Variants in GALNT13 observed in about 807,000 individuals in gnomAD.
GALNT13 encodes the protein polypeptide N-acetylgalactosaminyltransferase 13.
GALNT13 carries 28 observed loss-of-function variants against 64.2 expected under a neutral mutation model. That is an observed-to-expected ratio of 0.44 (90% CI 0.32 to 0.60). The LOEUF (loss-of-function observed/expected upper bound fraction) is 0.60. Ranked by LOEUF, GALNT13 falls within the 20% of genes least tolerant of loss-of-function variation. The pLI is 0.05. For missense variants in GALNT13, 577 were observed against 669.8 expected (o/e 0.86, Z 1.53); for synonymous variants, 214 against 224.6 (o/e 0.95, Z 0.42).
intron 9 of GALNT13, among the ~76,000 whole-genome samples, chr2:154,365,178 T>C (rs1436889452): frequency 6.6e-6 from 1 of 152,204 alleles, no homozygotes; most frequent in Non-Finnish European, 1.5e-5. Context: ...AGGCTTTATT[T>C]ATCCATTTAT....
chr2:154,427,552 A>G (rs72873809), intron 11 of GALNT13, among the ~76,000 whole-genome samples: 366 of 152,312 alleles, frequency 2.4e-3, no homozygotes, highest in Middle Eastern at 6.8e-3. Flanking sequence ...ACATTGTTAT[A>G]TATTGTTATA....
At chr2:154,445,986 C>G in intron 12 of GALNT13, 2 of 413,074 alleles carry the variant, frequency 4.8e-6, no homozygotes, top group Admixed American at 5.6e-5. Flanking sequence ...TCTTTTTCCT[C>G]CCTTCATTAT....
the GALNT13 span, among the ~76,000 whole-genome samples, chr2:153,282,248 A>G: frequency 1.3e-5 from 2 of 152,128 alleles, no homozygotes; most frequent in East Asian, 3.9e-4. Context: ...TTTCTTTTTA[A>G]GATATTTATC....
chr2:154,352,864 A>C (rs766351052), intron 9 of GALNT13, among the ~76,000 whole-genome samples: 2 of 152,168 alleles, frequency 1.3e-5, no homozygotes, highest in Non-Finnish European at 2.9e-5. Context: ...AGTCCAGTGC[A>C]GTGTCTAACT....
chr2:153,391,626 A>G, the GALNT13 span, among the ~76,000 whole-genome samples: 4 of 152,110 alleles, frequency 2.6e-5, no homozygotes, highest in African/African-American at 9.6e-5. Context: ...CAAGTCCTTT[A>G]TCTAAACCCC....
At chr2:153,105,399 A>G in the GALNT13 span, among the ~76,000 whole-genome samples, 2 of 152,094 alleles carry the variant, frequency 1.3e-5, no homozygotes, top group African/African-American at 4.8e-5. Flanking sequence ...ATCTATGACA[A>G]ACCCACAGCC....
chr2:153,425,776 TTTA>T, the GALNT13 span, among the ~76,000 whole-genome samples: 2 of 151,854 alleles, frequency 1.3e-5, no homozygotes, highest in South Asian at 2.1e-4. Flanking sequence ...TCTAAAAATT[TTTA>T]TTATTTAAAA....
intron 1 of GALNT13, among the ~76,000 whole-genome samples, chr2:153,875,421 G>GA (rs1686294172): frequency 6.6e-6 from 1 of 152,128 alleles, no homozygotes; most frequent in African/African-American, 2.4e-5. Flanking sequence ...TTGTTTGAGA[G>GA]ACCTTCTATT....
At chr2:153,539,343 G>A in the GALNT13 span, among the ~76,000 whole-genome samples, 2 of 151,824 alleles carry the variant, frequency 1.3e-5, no homozygotes, top group Non-Finnish European at 2.9e-5. Flanking sequence ...TCTGTAGGTT[G>A]CCTGTTCACT....
chr2:153,091,108 C>T, the GALNT13 span, among the ~76,000 whole-genome samples: 1 of 152,128 alleles, frequency 6.6e-6, no homozygotes, highest in East Asian at 1.9e-4. Context: ...GCAGCTCCCA[C>T]TCATCCTCTG....
At chr2:153,400,596 T>G in the GALNT13 span, among the ~76,000 whole-genome samples, 1 of 152,146 alleles carries the variant, frequency 6.6e-6, no homozygotes, top group Non-Finnish European at 1.5e-5. Context: ...ATTGCCACAA[T>G]TTCAGCTCCT....
the GALNT13 span, among the ~76,000 whole-genome samples, chr2:153,673,651 C>G: frequency 6.6e-6 from 1 of 152,156 alleles, no homozygotes; most frequent in Non-Finnish European, 1.5e-5. Flanking sequence ...CAACACAAGA[C>G]AAGGATGCCC....
the GALNT13 span, among the ~76,000 whole-genome samples, chr2:153,120,312 C>T: frequency 7.2e-5 from 11 of 152,160 alleles, no homozygotes; most frequent in Non-Finnish European, 1.6e-4. Context: ...ATAAGTCTTC[C>T]CCTCAAATAT....
the GALNT13 span, among the ~76,000 whole-genome samples, chr2:153,348,020 T>A: frequency 9.4e-3 from 1,436 of 152,280 alleles, 15 homozygotes; most frequent in Non-Finnish European, 0.013. Context: ...ATGTGATTCT[T>A]GGTCACAGAC....
At chr2:154,084,496 C>T (rs1371870546) in intron 3 of GALNT13, among the ~76,000 whole-genome samples, 1 of 151,750 alleles carries the variant, frequency 6.6e-6, no homozygotes, top group African/African-American at 2.4e-5. Flanking sequence ...ATAATGTAAT[C>T]CCTAAATTAT....
the GALNT13 span, among the ~76,000 whole-genome samples, chr2:153,425,516 T>G: frequency 6.6e-6 from 1 of 151,730 alleles, no homozygotes; most frequent in Non-Finnish European, 1.5e-5. Flanking sequence ...AACTGATAAA[T>G]GTATGATTTT....
chr2:154,076,338 A>G (rs1381120856), intron 3 of GALNT13, among the ~76,000 whole-genome samples: 2 of 151,786 alleles, frequency 1.3e-5, no homozygotes, highest in Non-Finnish European at 2.9e-5. Context: ...GAGAAGGATC[A>G]GAAATCGCAG....
chr2:153,643,593 A>G, the GALNT13 span, among the ~76,000 whole-genome samples: 1 of 151,858 alleles, frequency 6.6e-6, no homozygotes, highest in South Asian at 2.1e-4. Context: ...CTATAAAAAA[A>G]AGTAACAGTC....
the GALNT13 span, among the ~76,000 whole-genome samples, chr2:153,771,107 G>A: frequency 5.9e-5 from 9 of 152,194 alleles, no homozygotes; most frequent in Admixed American, 1.3e-4. Flanking sequence ...ATCCATGCAA[G>A]TATATGTGCC....
Sources: gnomAD v4.1 joint callset for allele counts (sites outside exome capture counted in the v4.1 genomes callset) on GRCh38, gnomAD v4.1.1 for gene constraint, MANE v1.5 for transcripts, NCBI Gene and HGNC (gene_info 2026-07-23, HGNC 2026-07-21) for gene names.